The following ADAM9 variants were observed in gnomAD, a reference collection of about 807,000 sequenced individuals.
The protein encoded by ADAM9 is ADAM metallopeptidase domain 9, also known as disintegrin and metalloproteinase domain-containing protein 9.
ADAM9 carries 54 observed loss-of-function variants against 108.1 expected under a neutral mutation model. The ratio of observed to expected loss-of-function variants is 0.50; its 90% confidence interval spans 0.40 to 0.63. The LOEUF (loss-of-function observed/expected upper bound fraction) is 0.63. Ranked by LOEUF, ADAM9 falls within the 20% of genes least tolerant of loss-of-function variation. The pLI is 0.00. For synonymous variants in ADAM9, 316 were observed against 336.0 expected, an observed-to-expected ratio of 0.94 and a Z score of 0.65; for missense variants, 830 against 997.7, an observed-to-expected ratio of 0.83 and a Z score of 2.26.
chr8:39,101,967 T>A (rs1839712084), intron 21 of ADAM9, 37 bp downstream of exon 21: 22 of 1,530,754 alleles, frequency 1.4e-5, no homozygotes, highest in Non-Finnish European at 1.9e-5. Context: ...TTGGCCAGAA[T>A]AAAACCTAGG....
chr8:39,100,766 T>C (rs1324166140), intron 20 of ADAM9, among the ~76,000 whole-genome samples: 2 of 152,356 alleles, frequency 1.3e-5, no homozygotes, highest in Admixed American at 6.5e-5. Flanking sequence ...CTGCCAGTCA[T>C]AGAACTTTAG....
chr8:39,042,341 T>C (rs1007470754), intron 12 of ADAM9, among the ~76,000 whole-genome samples: 10 of 152,210 alleles, frequency 6.6e-5, no homozygotes, highest in African/African-American at 2.4e-4. Flanking sequence ...GAATGTGCCA[T>C]GTTTATTCTC....
In ADAM9 at chr8:38,999,328, CTT is replaced by C. The variant is rs33913641; in HGVS notation, c.97+2182_97+2183del. Among the ~76,000 whole-genome samples, 415 of 147,302 alleles carry C rather than the reference CTT, an allele frequency of 2.8e-3. 2 individuals carry two copies. Among genetic ancestry groups the C allele is most frequent in the East Asian group, 0.014 (69 of 5,078 alleles). ...TTCCAAACAGCTAACTTTCAGTAAA[CTT>C]TTTTTTTTTTTTTAAACTGACAAAG... On this transcript the variant is annotated intron_variant, in intron 1 of 21. Coordinates refer to ENST00000487273, the MANE Select transcript of ADAM9 (RefSeq NM_003816.3).
intron 18 of ADAM9, 86 bp downstream of exon 18, chr8:39,083,159 A>G: frequency 2.1e-6 from 2 of 937,730 alleles, no homozygotes; most frequent in South Asian, 2.7e-5. Context: ...CTCACTTCCC[A>G]CATCAGTTAT....
intron 12 of ADAM9, among the ~76,000 whole-genome samples, chr8:39,050,850 T>C (rs1183429656): frequency 6.6e-6 from 1 of 150,682 alleles, no homozygotes; most frequent in Admixed American, 6.6e-5. Flanking sequence ...TTTTTTTTTT[T>C]TTTTTAATCA....
chr8:38,999,089 C>T (rs911459437), intron 1 of ADAM9, among the ~76,000 whole-genome samples: 1 of 151,942 alleles, frequency 6.6e-6, no homozygotes, highest in African/African-American at 2.4e-5. Flanking sequence ...TGCAGTGAGT[C>T]AACTCTTGTT....
intron 2 of ADAM9, among the ~76,000 whole-genome samples, chr8:39,010,141 A>T (rs1255211281): frequency 1.3e-5 from 2 of 152,024 alleles, no homozygotes; most frequent in African/African-American, 4.8e-5. Context: ...TTTAGTAAAG[A>T]CTAGAAGGAG....
intron 9 of ADAM9, among the ~76,000 whole-genome samples, chr8:39,025,234 A>G (rs1434692900): frequency 6.6e-6 from 1 of 151,946 alleles, no homozygotes; most frequent in Admixed American, 6.6e-5. Flanking sequence ...AGGATTACAG[A>G]TGTGCGCCAC....
At chr8:39,019,118 T>C (rs1836649019) in intron 7 of ADAM9, among the ~76,000 whole-genome samples, 200 bp downstream of exon 7, 1 of 152,212 alleles carries the variant, frequency 6.6e-6, no homozygotes, top group African/African-American at 2.4e-5. Context: ...TGACTGCCTT[T>C]AACTTTATCT....
chr8:39,084,515 T>C (rs958081531), intron 18 of ADAM9, among the ~76,000 whole-genome samples: 6 of 152,050 alleles, frequency 3.9e-5, no homozygotes, highest in African/African-American at 7.2e-5. Flanking sequence ...GTGGATTTTT[T>C]AGTTATCTTA....
At chr8:39,018,759 T>G (rs1354152610) in intron 6 of ADAM9, 94 bp from the exon 7 acceptor site, 19 of 1,100,840 alleles carry the variant, frequency 1.7e-5, no homozygotes, top group Non-Finnish European at 2.5e-5. Flanking sequence ...TTTTATGATG[T>G]TCTTAGCAGA....
rs555243675 is a variant in ADAM9, at chr8:39,046,570, A to G, written c.1302+4453A>G. ...GAGGAAAAGCTTTTTGTTTTTCACA[A>G]CTAGGTATGATTTTAGCTATGGGAA... is the stretch of plus-strand genomic sequence containing the variant. On this transcript the variant is annotated intron_variant, in intron 12 of 21. Transcript: ENST00000487273. 8.3e-4 allele frequency among the ~76,000 whole-genome samples: 127 copies of G among 152,210 alleles called. 1 individual carries two copies. Among genetic ancestry groups the G allele is most frequent in the African/African-American group, 2.9e-3 (122 of 41,542 alleles).
intron 20 of ADAM9, among the ~76,000 whole-genome samples, chr8:39,100,352 G>T (rs1839651166): frequency 6.6e-6 from 1 of 151,876 alleles, no homozygotes; most frequent in Admixed American, 6.6e-5. Context: ...AATTAGCCAG[G>T]CGTGGTGGTG....
chr8:39,081,370 T>G (rs999870126), intron 16 of ADAM9, among the ~76,000 whole-genome samples: 1 of 152,202 alleles, frequency 6.6e-6, no homozygotes, highest in Non-Finnish European at 1.5e-5. Flanking sequence ...CCCCTTAAAG[T>G]AAATCTGCCA....
intron 12 of ADAM9, among the ~76,000 whole-genome samples, chr8:39,045,116 A>G (rs199853394): frequency 0.13 from 3,407 of 26,508 alleles, 542 homozygotes; most frequent in Middle Eastern, 0.32. Flanking sequence ...ATACATACAT[A>G]TGTGTGTGTG....
chr8:39,067,346 A>G (rs1408467223), intron 14 of ADAM9, among the ~76,000 whole-genome samples: 1 of 152,188 alleles, frequency 6.6e-6, no homozygotes, highest in African/African-American at 2.4e-5. Context: ...CTTGGGCAGT[A>G]TGGCCATTTT....
At position 39,054,571 on chromosome 8, in the gene ADAM9, C is replaced by T. The variant is rs766583766; in HGVS notation, c.1393C>T (p.Arg465Trp). The stretch of plus-strand genomic sequence containing the variant: ...ATATGGTGACTGTTGTAAAGACTGT[C>T]GGGTAAGGAATTCCTCCCTTTTGGA... ...CAYGDCCKDCRFLPGGTLCRG... is the reference protein window; with the variant it reads ...CAYGDCCKDCWFLPGGTLCRG... Residue 465 changes from arginine (R) to tryptophan (W), a missense_variant and splice_region_variant, in exon 13 of 22, where the codon CGG (arginine) becomes TGG (tryptophan). Physicochemically the swap from Arg to Trp is moderately radical, Grantham distance 101. This residue lies in a region of ADAM9 where 381 missense variants were observed against 539.8 expected (regional missense o/e 0.71). Transcript: ENST00000487273. 53 of 1,446,252 alleles carry T rather than the reference C, an allele frequency of 3.7e-5. No homozygotes were observed. The highest frequency in any genetic ancestry group is 2.0e-4 in the Admixed American group (11 of 55,242). 89.6% of individuals were successfully genotyped at this position (1,446,252 alleles called of 1,614,324 possible).
intron 12 of ADAM9, among the ~76,000 whole-genome samples, chr8:39,050,911 G>C (rs1441796860): frequency 7.3e-6 from 1 of 136,464 alleles, no homozygotes; most frequent in Non-Finnish European, 1.5e-5. Context: ...GTGATAGTTT[G>C]AACAACCACC....
intron 4 of ADAM9, 38 bp downstream of exon 4, chr8:39,014,081 A>G: frequency 6.5e-7 from 1 of 1,542,756 alleles, no homozygotes; most frequent in East Asian, 2.2e-5. Flanking sequence ...GCAAATTTTA[A>G]AACAATTATA....
Sources: gnomAD v4.1 joint callset for allele counts (sites outside exome capture counted in the v4.1 genomes callset) on GRCh38, gnomAD v4.1.1 for gene constraint, gnomAD v4.1.1 regional missense constraint, MANE v1.5 for transcripts, NCBI Gene and HGNC (gene_info 2026-07-23, HGNC 2026-07-21) for gene names.